Variants in TXNDC12 observed in about 807,000 individuals in gnomAD.
TXNDC12 encodes the protein thioredoxin domain containing 12.
A neutral mutation model predicts 24.2 loss-of-function variants in TXNDC12; 22 were observed. The observed-to-expected ratio is 0.91, with a 90% CI of 0.65 to 1.30. TXNDC12 has a LOEUF of 1.30. Among genes scored for constraint, TXNDC12 ranks in the 50% most tolerant of loss-of-function variants. The probability of loss-of-function intolerance (pLI) is 0.00; values close to 1 mark genes in which losing one functional copy is unlikely to be tolerated. For synonymous variants in TXNDC12, 58 were observed against 73.4 expected (o/e 0.79, Z 1.07); for missense variants, 184 against 205.8 (o/e 0.89, Z 0.65).
Position 52,041,617 on chromosome 1 carries a change from T to G in TXNDC12, c.98-20A>C, listed in dbSNP as rs200483442. 2 of 1,571,650 alleles carry G rather than the reference T, an allele frequency of 1.3e-6. No homozygotes were observed. On this transcript the variant is annotated intron_variant, in intron 1 of 6. Coordinates refer to ENST00000371626, the MANE Select transcript of TXNDC12 (RefSeq NM_015913.4). ...CAAAACCTGGAAGGAAAGAACTTTA[T>G]AAGCATTCACATAATGAACAAAGGG...
At chr1:52,054,978 GA>G (rs762907642) in intron 1 of TXNDC12, 21 bp downstream of exon 1, 1 of 1,557,366 alleles carries the variant, frequency 6.4e-7, no homozygotes, top group Non-Finnish European at 8.9e-7. Context: ...TCAGTAAAGA[GA>G]AGATAAGAAC....
At chr1:52,054,882 G>A in intron 1 of TXNDC12, 118 bp downstream of exon 1, 1 of 718,272 alleles carries the variant, frequency 1.4e-6, no homozygotes, top group Non-Finnish European at 2.3e-6. Flanking sequence ...AAGATAAAAA[G>A]AAATCTGGAG....
chr1:52,031,081 A>G (rs1436569872), intron 2 of TXNDC12, among the ~76,000 whole-genome samples: 3 of 151,620 alleles, frequency 2.0e-5, no homozygotes, highest in Admixed American at 2.0e-4. Flanking sequence ...CCCAACAGCT[A>G]GTTAGTCCTC....
intron 1 of TXNDC12, among the ~76,000 whole-genome samples, chr1:52,048,266 G>T (rs897033082): frequency 6.6e-5 from 10 of 151,940 alleles, no homozygotes; most frequent in Admixed American, 3.9e-4. Context: ...GAAGTTCGAG[G>T]CCAGTCTGGG....
chr1:52,023,399 A>T (rs891746470), intron 6 of TXNDC12, 92 bp downstream of exon 6: 26 of 1,003,584 alleles, frequency 2.6e-5, no homozygotes, highest in Non-Finnish European at 3.7e-5. Flanking sequence ...CTCAGCTAAC[A>T]TGCTGAATTT....
In TXNDC12 at chr1:52,020,737, C is replaced by G. The variant is rs1218811401; in HGVS notation, c.*196G>C. 15 of 518,758 alleles carry G rather than the reference C, an allele frequency of 2.9e-5. No individual in the cohort carries two copies. The South Asian group carries it at 4.6e-4, about 16-fold the overall frequency. The allele number at this position is 518,758 out of a possible 1,614,324, so 32.1% of individuals were successfully genotyped here. ...GGGAAAAGGAGAAGAAAGTCTGCCA[C>G]TCTCCGCTGGATCCACAAACATGCA... is the stretch of plus-strand genomic sequence containing the variant. On this transcript the variant is annotated 3_prime_UTR_variant, in exon 7 of 7. Coordinates refer to ENST00000371626, the MANE Select transcript of TXNDC12 (RefSeq NM_015913.4).
At chr1:52,037,207 C>CTTTT (rs34590025) in intron 2 of TXNDC12, among the ~76,000 whole-genome samples, 6 of 123,536 alleles carry the variant, frequency 4.9e-5, no homozygotes, top group African/African-American at 6.4e-5. Flanking sequence ...AATAGACCAC[C>CTTTT]TTTTTTTTTT....
chr1:52,023,257 G>A (rs1238257466), intron 6 of TXNDC12: 2 of 403,056 alleles, frequency 5.0e-6, no homozygotes, highest in East Asian at 9.3e-5. Flanking sequence ...GACTACCTCA[G>A]TCACTTGTGT....
In TXNDC12 at chr1:52,046,406, T is replaced by C. The variant is rs181896175; in HGVS notation, c.98-4809A>G. On this transcript the variant is annotated intron_variant, in intron 1 of 6. Coordinates refer to ENST00000371626, the MANE Select transcript of TXNDC12 (RefSeq NM_015913.4). ...TATTTCAAAGGCAAAGTTAGCAGGATTTTGCTATGGATATGGGATATGAGA... is the reference window on the plus strand; with the variant it reads ...TATTTCAAAGGCAAAGTTAGCAGGACTTTGCTATGGATATGGGATATGAGA... 1.1e-4 allele frequency among the ~76,000 whole-genome samples: 16 copies of C among 152,136 alleles called. No homozygotes were observed. In the East Asian group the frequency reaches 2.9e-3, roughly 28 times the overall value.
chr1:52,030,547 TC>T (rs1685735471), intron 2 of TXNDC12: 1 of 152,228 alleles, frequency 6.6e-6, no homozygotes, highest in Admixed American at 6.5e-5. Flanking sequence ...CACACATGAA[TC>T]CTGTTTATCA....
At chr1:52,041,649 C>G in intron 1 of TXNDC12, 52 bp from the exon 2 acceptor site, 2 of 1,258,828 alleles carry the variant, frequency 1.6e-6, no homozygotes, top group Non-Finnish European at 2.3e-6. Context: ...AGGGCACAGT[C>G]CCAAGAAGGA....
chr1:52,029,563 G>C lies in TXNDC12; in HGVS notation c.159-933C>G, dbSNP rs541480293. Among the ~76,000 whole-genome samples, 4 of 152,226 alleles carry C rather than the reference G, an allele frequency of 2.6e-5. No homozygotes were observed. In the South Asian group the frequency reaches 8.3e-4, roughly 32 times the overall value. On this transcript the variant is annotated intron_variant, in intron 2 of 6. Coordinates refer to ENST00000371626, the MANE Select transcript of TXNDC12 (RefSeq NM_015913.4). ...CCATGTCACCATAACAACATACACT[G>C]TATAATAGCTACCATGCACTTAACA...
In TXNDC12 at chr1:52,043,437, A is replaced by G. The variant is rs538373749; in HGVS notation, c.98-1840T>C. ...ATTTTATATCCAAAAATTATTAGTG[A>G]TCATAATGCTAGCTGCTGTTTACTG... On this transcript the variant is annotated intron_variant, in intron 1 of 6. Coordinates refer to ENST00000371626, the MANE Select transcript of TXNDC12 (RefSeq NM_015913.4). Among the ~76,000 whole-genome samples, 43 of 152,338 alleles carry G rather than the reference A, an allele frequency of 2.8e-4. 1 individual carries two copies. The East Asian group carries it at 8.3e-3, about 29-fold the overall frequency.
At chr1:52,045,744 T>C (rs2124388059) in intron 1 of TXNDC12, among the ~76,000 whole-genome samples, 1 of 152,300 alleles carries the variant, frequency 6.6e-6, no homozygotes, top group African/African-American at 2.4e-5. Context: ...TGTATCAATA[T>C]TGGTTCGTCA....
chr1:52,027,702 A>G (rs186959664), intron 3 of TXNDC12, among the ~76,000 whole-genome samples: 199 of 151,120 alleles, frequency 1.3e-3, no homozygotes, highest in African/African-American at 4.5e-3. Context: ...ACACGTGTAT[A>G]TGTGTGTGTA....
At chr1:52,052,873 C>T (rs1474200410) in intron 1 of TXNDC12, among the ~76,000 whole-genome samples, 1 of 152,130 alleles carries the variant, frequency 6.6e-6, no homozygotes, top group African/African-American at 2.4e-5. Context: ...GCCCATTTTG[C>T]AGATGAGGAA....
Position 52,027,358 on chromosome 1 carries a change from A to G in TXNDC12, c.212-10T>C, listed in dbSNP as rs764122939. 6.2e-6 allele frequency: 10 copies of G among 1,603,002 alleles called. No homozygotes were observed. In the East Asian group the frequency reaches 6.7e-5, roughly 11 times the overall value. On this transcript the variant is annotated splice_polypyrimidine_tract_variant and intron_variant, in intron 3 of 6. Transcript: ENST00000371626. The stretch of plus-strand genomic sequence containing the variant: ...AATTTGGGCTTTAGAGCTGGGGGGA[A>G]AAAGATTTTGGAATAGAAGAAAAAA...
At chr1:52,036,279 T>C (rs1189810861) in intron 2 of TXNDC12, among the ~76,000 whole-genome samples, 1 of 152,026 alleles carries the variant, frequency 6.6e-6, no homozygotes, top group Middle Eastern at 3.2e-3. Flanking sequence ...TACAATAAAG[T>C]AAACTAGAGA....
upstream of TXNDC12, chr1:52,055,192 A>T: frequency 1.3e-6 from 1 of 782,004 alleles, no homozygotes; most frequent in Non-Finnish European, 2.2e-6. Context: ...TCAGCACAAC[A>T]CCTCTACTTC....
Sources: gnomAD v4.1 joint callset for allele counts (sites outside exome capture counted in the v4.1 genomes callset) on GRCh38, gnomAD v4.1.1 for gene constraint, MANE v1.5 for transcripts, NCBI Gene and HGNC (gene_info 2026-07-23, HGNC 2026-07-21) for gene names.